SLC38A8: variants seen among roughly 807,000 people sequenced by gnomAD.
The protein encoded by SLC38A8 is solute carrier family 38 member 8, also known as amino acid transporter SLC38A8.
SLC38A8 carries 65 observed loss-of-function variants against 46.0 expected under a neutral mutation model. The ratio of observed to expected loss-of-function variants is 1.41; its 90% CI spans 1.16 to 1.74. SLC38A8 has a LOEUF of 1.74. Among genes scored for constraint, SLC38A8 ranks in the 40% most tolerant of loss-of-function variants. The probability of loss-of-function intolerance (pLI) is 0.00; values close to 1 mark genes in which losing one functional copy is unlikely to be tolerated. For missense variants in SLC38A8, 998 were observed against 567.9 expected (o/e 1.76, Z -7.70); for synonymous variants, 447 against 243.7 (o/e 1.83, Z -7.77).
chr16:84,029,434 C>T, intron 6 of SLC38A8, 60 bp downstream of exon 6: 2 of 1,579,072 alleles, frequency 1.3e-6, no homozygotes, highest in Non-Finnish European at 8.7e-7. Context: ...CCCAAGGGAG[C>T]AGAGAGTCAC....
intron 2 of SLC38A8, among the ~76,000 whole-genome samples, chr16:84,037,504 C>T (rs2002002): frequency 0.24 from 36,989 of 152,074 alleles, 4,566 homozygotes; most frequent in South Asian, 0.28. Context: ...CTCATGCCTG[C>T]AATCCCAGCA....
chr16:84,017,443 T>C (rs1331828915), intron 7 of SLC38A8, among the ~76,000 whole-genome samples, 156 bp from the exon 8 acceptor site: 1 of 152,176 alleles, frequency 6.6e-6, no homozygotes, highest in African/African-American at 2.4e-5. Context: ...TTTCCTGTCC[T>C]AAGCCTACAC....
intron 3 of SLC38A8, among the ~76,000 whole-genome samples, chr16:84,036,409 C>G (rs1328349669): frequency 6.6e-6 from 1 of 152,246 alleles, no homozygotes; most frequent in African/African-American, 2.4e-5. Context: ...TCAGAAGGAG[C>G]TGCTTGCTGT....
chr16:84,015,651 G>C (rs1440308641), intron 9 of SLC38A8, among the ~76,000 whole-genome samples: 1 of 152,074 alleles, frequency 6.6e-6, no homozygotes, highest in East Asian at 1.9e-4. Flanking sequence ...ATGTCCATCA[G>C]GAGCTGTATT....
intron 5 of SLC38A8, among the ~76,000 whole-genome samples, chr16:84,031,453 T>A (rs1477661743): frequency 2.6e-5 from 4 of 152,168 alleles, no homozygotes; most frequent in African/African-American, 9.7e-5. Flanking sequence ...TGGCTCTGAA[T>A]CCCTGTACGA....
chr16:84,013,351 G>T (rs527754720), intron 9 of SLC38A8, among the ~76,000 whole-genome samples: 2 of 151,540 alleles, frequency 1.3e-5, no homozygotes, highest in African/African-American at 4.8e-5. Flanking sequence ...AGGAGATGGT[G>T]AGAGTCCATG....
chr16:84,011,544 T>C (rs576695286), intron 10 of SLC38A8, among the ~76,000 whole-genome samples: 47 of 152,348 alleles, frequency 3.1e-4, no homozygotes, highest in Non-Finnish European at 6.2e-4. Flanking sequence ...TCACGATTGC[T>C]GCCATTTAAC....
At chr16:84,012,871 T>C in intron 10 of SLC38A8, 130 bp downstream of exon 10, 1 of 1,029,062 alleles carries the variant, frequency 9.7e-7, no homozygotes, top group African/African-American at 1.6e-5. Flanking sequence ...GAGACTCTCT[T>C]CCTGTGGCTC....
At chr16:84,018,185 T>C (rs892136953) in intron 7 of SLC38A8, among the ~76,000 whole-genome samples, 2 of 151,098 alleles carry the variant, frequency 1.3e-5, no homozygotes, top group African/African-American at 2.4e-5. Context: ...GCATAGGGCA[T>C]TGTATAGCAA....
intron 4 of SLC38A8, 88 bp downstream of exon 4, chr16:84,033,240 C>T (rs2151126094): frequency 1.9e-6 from 3 of 1,569,614 alleles, no homozygotes; most frequent in African/African-American, 1.4e-5. Flanking sequence ...GCCAATTCCC[C>T]AGCTCCTCTG....
intron 7 of SLC38A8, among the ~76,000 whole-genome samples, chr16:84,019,264 C>G (rs566020243): frequency 6.6e-6 from 1 of 151,934 alleles, no homozygotes; most frequent in African/African-American, 2.4e-5. Flanking sequence ...TTAGTAGAAA[C>G]GGGGTTTCAC....
At chr16:84,013,339 T>C (rs931552005) in intron 9 of SLC38A8, among the ~76,000 whole-genome samples, 1 of 151,574 alleles carries the variant, frequency 6.6e-6, no homozygotes, top group Non-Finnish European at 1.5e-5. Context: ...GCAGAGTCTA[T>C]GAGGAGATGG....
At position 84,022,810 on chromosome 16, in the gene SLC38A8, G is replaced by T; in HGVS notation, c.770C>A (p.Ser257Tyr). ...ATAGATGAGGCAGCAGGCCAGCAAG[G>T]ACAGCACAGACACCAGGGCCCAGTG... ...LSHWALVSVL[S>Y]LLACCLIYSL... The change falls in exon 7 of 11, where the codon TCC becomes TAC. Residue 257 changes from serine to tyrosine, a missense_variant. Transcript: ENST00000299709. 6.2e-7 allele frequency: 1 copy of T among 1,614,048 alleles called. No homozygotes were observed. The highest frequency in any genetic ancestry group is 8.5e-7 in the Non-Finnish European group (1 of 1,179,972).
intron 6 of SLC38A8, among the ~76,000 whole-genome samples, chr16:84,027,526 G>A (rs1036296470): frequency 1.3e-5 from 2 of 152,220 alleles, no homozygotes; most frequent in African/African-American, 4.8e-5. Context: ...GGGACGCTGT[G>A]TTTGAGTCAG....
chr16:84,013,940 G>A (rs2084990694), intron 9 of SLC38A8, among the ~76,000 whole-genome samples: 1 of 152,106 alleles, frequency 6.6e-6, no homozygotes, highest in South Asian at 2.1e-4. Flanking sequence ...GAGCCACGTG[G>A]CCACAGCCTC....
In SLC38A8 at chr16:84,031,805, T is replaced by C. The variant is rs2085242014; in HGVS notation, c.632+62A>G. 18 of 1,426,876 alleles carry C rather than the reference T, an allele frequency of 1.3e-5. No individual in the cohort carries two copies. In the South Asian group the frequency reaches 1.9e-4, roughly 15 times the overall value. 88.4% of individuals were successfully genotyped at this position (1,426,876 alleles called of 1,614,324 possible). A position where few individuals can be genotyped will look rare whatever the true frequency, so the allele number is the denominator to read the frequency against. ...AGAGGCTCCTCCTCCAAGACTCCCCTCACAGACTCCCCTGCCGTGCCTCCC... is the reference window on the plus strand; with the variant it reads ...AGAGGCTCCTCCTCCAAGACTCCCCCCACAGACTCCCCTGCCGTGCCTCCC... On this transcript the variant is annotated intron_variant, in intron 5 of 10. Coordinates refer to ENST00000299709, the MANE Select transcript of SLC38A8 (RefSeq NM_001080442.3).
At chr16:84,012,878 G>C (rs542526554) in intron 10 of SLC38A8, 123 bp downstream of exon 10, 5 of 1,072,438 alleles carry the variant, frequency 4.7e-6, no homozygotes, top group Non-Finnish European at 6.9e-6. Flanking sequence ...TCTTCCTGTG[G>C]CTCGCAGGTT....
At position 84,034,842 on chromosome 16, in the gene SLC38A8, C is replaced by T. The variant is rs568049461; in HGVS notation, c.389-1373G>A. On this transcript the variant is annotated intron_variant, in intron 3 of 10. Transcript: ENST00000299709. ...AGGCCCTTTGTCTGCATCTGGACCT[C>T]CCATAGCCAGGATCCTCAGGGCCAA... Among the ~76,000 whole-genome samples, 3 of 152,028 alleles carry T rather than the reference C, an allele frequency of 2.0e-5. No homozygotes were observed. The South Asian group carries it at 6.3e-4, about 32-fold the overall frequency.
upstream of SLC38A8, among the ~76,000 whole-genome samples, chr16:84,043,232 T>A (rs981192185): frequency 2.0e-5 from 3 of 152,206 alleles, no homozygotes; most frequent in East Asian, 3.9e-4. Context: ...TAGGCCACGC[T>A]TGAGTGATGA....
Sources: allele counts gnomAD v4.1 joint callset (sites outside exome capture counted in the v4.1 genomes callset), GRCh38; gene constraint gnomAD v4.1.1; transcripts MANE v1.5; gene names NCBI Gene and HGNC (gene_info 2026-07-23, HGNC 2026-07-21).